ITFG1: variants seen among roughly 807,000 people sequenced by gnomAD.
ITFG1 encodes the protein integrin alpha FG-GAP repeat containing 1.
In ITFG1, 34 loss-of-function variants were observed where a neutral mutation model predicts 81.8. That is an observed-to-expected ratio of 0.42 (90% confidence interval 0.32 to 0.55). The LOEUF is 0.55. Among genes scored for constraint, ITFG1 ranks in the 20% least tolerant of loss-of-function variants. ITFG1 has a pLI of 0.17. For synonymous variants in ITFG1, 285 were observed against 270.6 expected (o/e 1.05, Z -0.52); for missense variants, 672 against 755.4 (o/e 0.89, Z 1.29).
intron 5 of ITFG1, among the ~76,000 whole-genome samples, chr16:47,440,032 A>G (rs1969225112): frequency 2.0e-5 from 3 of 152,186 alleles, no homozygotes; most frequent in Non-Finnish European, 4.4e-5. Context: ...CAGGGGTTGC[A>G]ATCCTAGTCT....
At chr16:47,383,679 T>C (rs1596947319) in intron 6 of ITFG1, among the ~76,000 whole-genome samples, 1 of 152,166 alleles carries the variant, frequency 6.6e-6, no homozygotes, top group South Asian at 2.1e-4. Context: ...GCCAAGGTGG[T>C]TGGATCACCT....
chr16:47,207,249 A>T (rs1356856116), intron 14 of ITFG1, among the ~76,000 whole-genome samples: 1 of 151,824 alleles, frequency 6.6e-6, no homozygotes, highest in African/African-American at 2.4e-5. Flanking sequence ...TGCCCATTTA[A>T]TTTTTTTGTA....
chr16:47,376,080 T>G, intron 6 of ITFG1, 140 bp from the exon 7 acceptor site: 1 of 530,908 alleles, frequency 1.9e-6, no homozygotes, highest in Non-Finnish European at 3.3e-6. Flanking sequence ...TTAACAAGTT[T>G]CATCCCATTA....
chr16:47,399,053 C>T (rs1267865128), intron 6 of ITFG1, among the ~76,000 whole-genome samples: 1 of 152,130 alleles, frequency 6.6e-6, no homozygotes, highest in African/African-American at 2.4e-5. Context: ...AAAAAGAGGG[C>T]TAGAGGCACT....
chr16:47,158,948 C>A lies in ITFG1; in HGVS notation c.1704G>T (p.Leu568=), dbSNP rs1411724696. 1 of 1,598,442 alleles carries A rather than the reference C, an allele frequency of 6.3e-7. No individual in the cohort carries two copies. Among genetic ancestry groups the A allele is most frequent in the Non-Finnish European group, 8.5e-7 (1 of 1,172,218 alleles). ...KLYLTPSNIV[L]LTAIALIGVC... ...CACCGATGAGAGCTATAGCAGTAAG[C>A]AGAACAATATTACTTGGTGTAAGAT... Residue 568 remains leucine, a synonymous_variant, in exon 17 of 18, where the codon CTG becomes CTT. Coordinates refer to ENST00000320640, the MANE Select transcript of ITFG1 (RefSeq NM_030790.5).
At chr16:47,305,544 A>T (rs1392220957) in intron 10 of ITFG1, among the ~76,000 whole-genome samples, 1 of 152,164 alleles carries the variant, frequency 6.6e-6, no homozygotes, top group Non-Finnish European at 1.5e-5. Flanking sequence ...GACAAAAATA[A>T]CAAATAGAAA....
intron 6 of ITFG1, among the ~76,000 whole-genome samples, chr16:47,400,382 C>A (rs1968645350): frequency 6.6e-6 from 1 of 152,004 alleles, no homozygotes; most frequent in Non-Finnish European, 1.5e-5. Context: ...GACACACACA[C>A]ACACACACCA....
chr16:47,167,933 GTTCTT>G (rs1555501813), intron 14 of ITFG1, among the ~76,000 whole-genome samples: 1 of 152,032 alleles, frequency 6.6e-6, no homozygotes, highest in Non-Finnish European at 1.5e-5. Flanking sequence ...CCTGCTTTCC[GTTCTT>G]TTGAGTATAT....
chr16:47,403,479 A>G (rs1968688559), intron 6 of ITFG1, among the ~76,000 whole-genome samples: 1 of 152,152 alleles, frequency 6.6e-6, no homozygotes, highest in African/African-American at 2.4e-5. Flanking sequence ...AATAACCACT[A>G]AATGCACATG....
intron 7 of ITFG1, among the ~76,000 whole-genome samples, chr16:47,372,997 T>C (rs1208953908): frequency 6.6e-6 from 1 of 152,224 alleles, no homozygotes; most frequent in African/African-American, 2.4e-5. Context: ...TAATGAAGGC[T>C]CTGTTCATCT....
chr16:47,252,331 G>C (rs1181120646), intron 12 of ITFG1, among the ~76,000 whole-genome samples: 1 of 152,096 alleles, frequency 6.6e-6, no homozygotes, highest in African/African-American at 2.4e-5. Flanking sequence ...GGGAATAAAA[G>C]CTTTCCCATT....
chr16:47,250,188 A>G (rs1016608773), intron 12 of ITFG1, among the ~76,000 whole-genome samples: 6 of 152,130 alleles, frequency 3.9e-5, no homozygotes, highest in African/African-American at 1.4e-4. Flanking sequence ...TATTCTATGG[A>G]AGATTTTTTG....
chr16:47,393,592 G>A (rs374822687), intron 6 of ITFG1, among the ~76,000 whole-genome samples: 4 of 152,046 alleles, frequency 2.6e-5, no homozygotes, highest in Non-Finnish European at 4.4e-5. Context: ...TTAGCTGGGC[G>A]TGGTGGCAAG....
At chr16:47,367,977 C>T (rs989298478) in intron 7 of ITFG1, among the ~76,000 whole-genome samples, 1 of 152,108 alleles carries the variant, frequency 6.6e-6, no homozygotes, top group Admixed American at 6.5e-5. Flanking sequence ...GTGGCTCATG[C>T]CTGTAATCCC....
chr16:47,457,790 A>T (rs971918106), intron 2 of ITFG1, among the ~76,000 whole-genome samples: 41 of 145,990 alleles, frequency 2.8e-4, no homozygotes, highest in South Asian at 2.1e-4. Flanking sequence ...AATTTCTAAT[A>T]AAAAAAAAAT....
chr16:47,282,590 T>C (rs532503671), intron 10 of ITFG1, among the ~76,000 whole-genome samples: 1 of 152,266 alleles, frequency 6.6e-6, no homozygotes, highest in African/African-American at 2.4e-5. Flanking sequence ...AATGATTTCT[T>C]TGCCTTTGGT....
intron 13 of ITFG1, among the ~76,000 whole-genome samples, chr16:47,236,047 T>C (rs16953992): frequency 0.13 from 19,657 of 152,164 alleles, 2,865 homozygotes; most frequent in African/African-American, 0.36. Flanking sequence ...TGGGCGGTAA[T>C]GGTAATCATT....
intron 8 of ITFG1, among the ~76,000 whole-genome samples, chr16:47,355,164 A>AT (rs1464389083): frequency 1.3e-5 from 2 of 152,266 alleles, no homozygotes; most frequent in East Asian, 3.9e-4. Flanking sequence ...GTATGAATGG[A>AT]TAAAAAAAAA....
rs1964688731 is a variant in ITFG1 at position 47,155,504 on chromosome 16, A to G, written c.*215T>C. 2 of 388,558 alleles carry G rather than the reference A, an allele frequency of 5.1e-6. No homozygotes were observed. Among genetic ancestry groups the G allele is most frequent in the Non-Finnish European group, 9.1e-6 (2 of 219,206 alleles). The allele number at this position is 388,558 out of a possible 1,614,324, so 24.1% of individuals were successfully genotyped here. A position where few individuals can be genotyped will look rare whatever the true frequency, so the allele number is the denominator to read the frequency against. On this transcript the variant is annotated 3_prime_UTR_variant, in exon 18 of 18. Coordinates refer to ENST00000320640, the MANE Select transcript of ITFG1 (RefSeq NM_030790.5). ...CAAAGGAACAAAAATGTACAGCACT[A>G]CAGAATAGAGAACCCAAATTTTTAT...
Sources: allele counts gnomAD v4.1 joint callset (sites outside exome capture counted in the v4.1 genomes callset), GRCh38; gene constraint gnomAD v4.1.1; transcripts MANE v1.5; gene names NCBI Gene and HGNC (gene_info 2026-07-23, HGNC 2026-07-21).